The following DZIP1 variants were observed in gnomAD, a reference collection of about 807,000 sequenced individuals.
DZIP1 encodes DAZ interacting zinc finger protein 1.
In DZIP1, 97 loss-of-function variants were observed where a neutral mutation model predicts 107.6. The ratio of observed to expected loss-of-function variants is 0.90; its 90% CI spans 0.77 to 1.07. DZIP1 has a LOEUF of 1.07. Ranked by LOEUF, DZIP1 falls within the 50% of genes least tolerant of loss-of-function variation. DZIP1 has a pLI of 0.00. For missense variants in DZIP1, 1,035 were observed against 1,063.6 expected, an observed-to-expected ratio of 0.97 and a Z score of 0.37; for synonymous variants, 390 against 386.4, an observed-to-expected ratio of 1.01 and a Z score of -0.11.
chr13:95,598,174 T>C lies in DZIP1; in HGVS notation c.1537+1191A>G, dbSNP rs77540478. ...TCTGAAAGAAGCAGGTTTCTAAACA[T>C]TGGAACAGCAATTACAAAGAAATAA... On this transcript the variant is annotated intron_variant, in intron 15 of 22. Coordinates refer to ENST00000376829, the MANE Select transcript of DZIP1 (RefSeq NM_198968.4). 8.2e-3 allele frequency among the ~76,000 whole-genome samples: 1,245 copies of C among 152,248 alleles called. 16 individuals are homozygous for C. Among genetic ancestry groups the C allele is most frequent in the African/African-American group, 0.028 (1,172 of 41,548 alleles).
chr13:95,620,508 C>T (rs974267899), intron 9 of DZIP1, among the ~76,000 whole-genome samples: 5 of 152,168 alleles, frequency 3.3e-5, no homozygotes, highest in South Asian at 4.2e-4. Context: ...TACCATAAGG[C>T]AGGGGTCAGG....
At chr13:95,608,958 T>C (rs2044883107) in intron 13 of DZIP1, among the ~76,000 whole-genome samples, 1 of 152,202 alleles carries the variant, frequency 6.6e-6, no homozygotes, top group Non-Finnish European at 1.5e-5. Flanking sequence ...TAAACAACCA[T>C]CTCTCAGTTT....
intron 14 of DZIP1, among the ~76,000 whole-genome samples, chr13:95,603,306 C>CA (rs34995131): frequency 0.23 from 11,257 of 47,950 alleles, 2,785 homozygotes; most frequent in Non-Finnish European, 0.27. Flanking sequence ...TGCCCAGTCT[C>CA]AAAAAAAAAA....
chr13:95,609,325 A>G, intron 13 of DZIP1, 132 bp downstream of exon 13: 1 of 513,378 alleles, frequency 1.9e-6, no homozygotes, highest in Non-Finnish European at 3.2e-6. Context: ...AAGAATCAAA[A>G]TAAATCATTA....
At chr13:95,617,164 T>C (rs1875204990) in intron 10 of DZIP1, among the ~76,000 whole-genome samples, 2 of 151,606 alleles carry the variant, frequency 1.3e-5, no homozygotes, top group African/African-American at 4.8e-5. Flanking sequence ...ATGGCATCAC[T>C]GCACTCCAGC....
chr13:95,614,111 G>C (rs1331904645), intron 10 of DZIP1, among the ~76,000 whole-genome samples: 1 of 119,398 alleles, frequency 8.4e-6, no homozygotes. Flanking sequence ...CGGTGACAGA[G>C]TAAGACCCTG....
chr13:95,633,407 G>T, intron 5 of DZIP1, 86 bp from the exon 6 acceptor site: 1 of 1,163,154 alleles, frequency 8.6e-7, no homozygotes, highest in Non-Finnish European at 1.3e-6. Flanking sequence ...ACCTGGCCAG[G>T]CACTGTGGCT....
At chr13:95,623,294 G>C (rs1426559618) in intron 8 of DZIP1, among the ~76,000 whole-genome samples, 1 of 152,136 alleles carries the variant, frequency 6.6e-6, no homozygotes, top group Admixed American at 6.6e-5. Context: ...AAGTATGGGG[G>C]AGCGCACGTC....
At chr13:95,591,939 A>G (rs1040027251) in intron 16 of DZIP1, among the ~76,000 whole-genome samples, 1 of 152,234 alleles carries the variant, frequency 6.6e-6, no homozygotes, top group Admixed American at 6.5e-5. Flanking sequence ...TATAAAAGAT[A>G]TTAAAACACA....
At chr13:95,605,384 C>T (rs2044741660) in intron 14 of DZIP1, among the ~76,000 whole-genome samples, 1 of 152,194 alleles carries the variant, frequency 6.6e-6, no homozygotes, top group Non-Finnish European at 1.5e-5. Context: ...AAACTGTAAG[C>T]ACTTTAACTG....
At chr13:95,605,958 G>A (rs751341877) in intron 14 of DZIP1, 45 bp downstream of exon 14, 4 of 1,583,934 alleles carry the variant, frequency 2.5e-6, no homozygotes, top group Admixed American at 1.7e-5. Flanking sequence ...TCCAACTCAG[G>A]GTGGCAACTG....
At position 95,589,165 on chromosome 13, in the gene DZIP1, A is replaced by G. The variant is rs1263184154; in HGVS notation, c.2016T>C (p.Ser672=). ...NVMEDPFPRK[S]STITTPPFSS... ...CTGTCAATACTCACGTAATAGTTGA[A>G]GACTTTCTGGGAAAAGGATCTTCCA... Residue 672 remains serine, a synonymous_variant, in exon 19 of 23, where the codon TCT becomes TCC. Coordinates refer to ENST00000376829, the MANE Select transcript of DZIP1 (RefSeq NM_198968.4). The G allele has an allele frequency of 3.7e-6, 6 of 1,607,202 alleles. No homozygotes were observed. Among genetic ancestry groups the G allele is most frequent in the South Asian group, 1.1e-5 (1 of 88,840 alleles).
chr13:95,624,721 C>T lies in DZIP1; in HGVS notation c.972+47G>A, dbSNP rs117735262. On this transcript the variant is annotated intron_variant, in intron 8 of 22. Coordinates refer to ENST00000376829, the MANE Select transcript of DZIP1 (RefSeq NM_198968.4). The stretch of plus-strand genomic sequence containing the variant: ...GGCCTTAATGCCATCCTAACACCAC[C>T]TCTCAAGGCAATCAATACCATAAGA... The T allele has an allele frequency of 4.0e-4, 605 of 1,529,968 alleles. 4 individuals carry two copies. The East Asian group carries it at 0.013, about 33-fold the overall frequency. The allele number at this position is 1,529,968 out of a possible 1,614,324, so 94.8% of individuals were successfully genotyped here.
At chr13:95,611,552 G>T in intron 11 of DZIP1, 59 bp from the exon 12 acceptor site, 1 of 1,290,232 alleles carries the variant, frequency 7.8e-7, no homozygotes, top group South Asian at 1.2e-5. Context: ...ACACACACAT[G>T]GGATAATGGA....
At chr13:95,614,555 C>T (rs1245626474) in intron 10 of DZIP1, among the ~76,000 whole-genome samples, 2 of 152,112 alleles carry the variant, frequency 1.3e-5, no homozygotes, top group Admixed American at 1.3e-4. Context: ...AAGAATGAAT[C>T]AGAAAGGCAC....
At chr13:95,592,600 T>A (rs1594653308) in intron 16 of DZIP1, among the ~76,000 whole-genome samples, 1 of 152,216 alleles carries the variant, frequency 6.6e-6, no homozygotes, top group South Asian at 2.1e-4. Flanking sequence ...ACTAAACATA[T>A]GCCTACCCTT....
At position 95,587,545 on chromosome 13, in the gene DZIP1, G is replaced by T; in HGVS notation, c.2212C>A (p.Pro738Thr). 6.2e-7 allele frequency: 1 copy of T among 1,613,904 alleles called. No individual in the cohort carries two copies. Among genetic ancestry groups the T allele is most frequent in the Non-Finnish European group, 8.5e-7 (1 of 1,179,912 alleles). Residue 738 changes from proline (P) to threonine (T), a missense_variant, in exon 20 of 23, where the codon CCC (proline) becomes ACC (threonine). Physicochemically the swap from Pro to Thr is conservative, Grantham distance 38. Coordinates refer to ENST00000376829, the MANE Select transcript of DZIP1 (RefSeq NM_198968.4). ...EIEDTDDSPK[P>T]AGVAVKTPTE... ...TTCCAAGGTAACAGCTCACCTGCGGGCTTGGGAGAATCATCAGTGTCCTCG... is the reference window on the plus strand; with the variant it reads ...TTCCAAGGTAACAGCTCACCTGCGGTCTTGGGAGAATCATCAGTGTCCTCG...
At chr13:95,632,009 AC>A (rs1407816603) in intron 6 of DZIP1, among the ~76,000 whole-genome samples, 2 of 152,074 alleles carry the variant, frequency 1.3e-5, no homozygotes, top group Non-Finnish European at 2.9e-5. Flanking sequence ...TCTGTGAAAT[AC>A]TTTTCCCTTG....
intron 7 of DZIP1, among the ~76,000 whole-genome samples, chr13:95,626,446 A>C (rs1876553397): frequency 1.3e-5 from 2 of 152,218 alleles, no homozygotes; most frequent in African/African-American, 4.8e-5. Context: ...AAATTGGATA[A>C]TCTAGGTGAA....
Sources: gnomAD v4.1 joint callset for allele counts (sites outside exome capture counted in the v4.1 genomes callset) on GRCh38, gnomAD v4.1.1 for gene constraint, MANE v1.5 for transcripts, NCBI Gene and HGNC (gene_info 2026-07-23, HGNC 2026-07-21) for gene names.